The following HNF4G variants were observed in gnomAD, a reference collection of about 807,000 sequenced individuals.
HNF4G encodes hepatocyte nuclear factor 4-gamma.
HNF4G carries 21 observed loss-of-function variants against 50.9 expected under a neutral mutation model. The ratio of observed to expected loss-of-function variants is 0.41; its 90% CI spans 0.29 to 0.59. The LOEUF (loss-of-function observed/expected upper bound fraction) is 0.59. HNF4G is among the 20% of genes least tolerant of loss of function. HNF4G has a pLI of 0.26. For synonymous variants in HNF4G, 198 were observed against 185.6 expected (o/e 1.07, Z -0.54); for missense variants, 527 against 559.4 (o/e 0.94, Z 0.58).
At chr8:75,532,511 T>G (rs1253026535) in intron 2 of HNF4G, among the ~76,000 whole-genome samples, 2 of 152,096 alleles carry the variant, frequency 1.3e-5, no homozygotes, top group East Asian at 3.9e-4. Context: ...GTGCTTACTT[T>G]TTATACCACA....
intron 5 of HNF4G, among the ~76,000 whole-genome samples, chr8:75,555,633 G>A (rs1807093966): frequency 6.6e-6 from 1 of 151,730 alleles, no homozygotes; most frequent in Non-Finnish European, 1.5e-5. Flanking sequence ...CAAACGTACT[G>A]GTTAACTTAC....
At chr8:75,550,137 A>G (rs1369894864) in intron 3 of HNF4G, among the ~76,000 whole-genome samples, 1 of 151,904 alleles carries the variant, frequency 6.6e-6, no homozygotes, top group Admixed American at 6.6e-5. Context: ...ATACTTGCAG[A>G]AAAAAAATGA....
At chr8:75,480,595 A>G (rs1812352342) in intron 1 of HNF4G, among the ~76,000 whole-genome samples, 2 of 152,196 alleles carry the variant, frequency 1.3e-5, no homozygotes, top group African/African-American at 2.4e-5. Context: ...GCCAGAAAAT[A>G]TATCTGGGAT....
Position 75,481,728 on chromosome 8 carries a change from G to A in HNF4G, c.-143-8361G>A, listed in dbSNP as rs188886984. Among the ~76,000 whole-genome samples, 268 of 151,958 alleles carry A rather than the reference G, an allele frequency of 1.8e-3. 2 individuals carry two copies. The highest frequency in any genetic ancestry group is 5.6e-3 in the African/African-American group (232 of 41,438). ...CCACAGGGAAATTTAAGATCAACATGGCCAAATTCTATTTCAATAAAAATT... is the reference window on the plus strand; with the variant it reads ...CCACAGGGAAATTTAAGATCAACATAGCCAAATTCTATTTCAATAAAAATT... On this transcript the variant is annotated intron_variant, in intron 1 of 10. Transcript: ENST00000354370.
chr8:75,544,099 A>G, intron 2 of HNF4G, 120 bp downstream of exon 2: 1 of 811,510 alleles, frequency 1.2e-6, no homozygotes, highest in Non-Finnish European at 1.9e-6. Context: ...TACAATCTCT[A>G]AACTGCGGTA....
At chr8:75,517,119 T>A (rs913066958) in intron 2 of HNF4G, among the ~76,000 whole-genome samples, 4 of 152,132 alleles carry the variant, frequency 2.6e-5, no homozygotes, top group Admixed American at 2.0e-4. Context: ...ATCATGAGAC[T>A]TATTCACTAT....
intron 1 of HNF4G, among the ~76,000 whole-genome samples, chr8:75,439,624 A>G (rs1811226186): frequency 6.6e-6 from 1 of 152,110 alleles, no homozygotes; most frequent in African/African-American, 2.4e-5. Flanking sequence ...TAAGTCTGGC[A>G]GTCTCAATCA....
At chr8:75,517,007 A>C (rs955490861) in intron 2 of HNF4G, among the ~76,000 whole-genome samples, 6 of 152,304 alleles carry the variant, frequency 3.9e-5, no homozygotes, top group Admixed American at 6.5e-5. Flanking sequence ...AGACCTCACA[A>C]TCATGAGAGA....
chr8:75,442,736 A>G (rs1276244607), intron 1 of HNF4G, among the ~76,000 whole-genome samples: 1 of 152,164 alleles, frequency 6.6e-6, no homozygotes, highest in East Asian at 1.9e-4. Context: ...GGAGATGGGG[A>G]TCATTATTTT....
chr8:75,451,886 C>T (rs1811593868), intron 1 of HNF4G, among the ~76,000 whole-genome samples: 1 of 152,304 alleles, frequency 6.6e-6, no homozygotes, highest in South Asian at 2.1e-4. Context: ...AGGTTGGAGC[C>T]TAATCACAGG....
At chr8:75,420,015 TA>T (rs940470525) in intron 1 of HNF4G, among the ~76,000 whole-genome samples, 1 of 152,164 alleles carries the variant, frequency 6.6e-6, no homozygotes, top group Non-Finnish European at 1.5e-5. Context: ...CCAACTGAAA[TA>T]TTTTTTCGCT....
intron 1 of HNF4G, among the ~76,000 whole-genome samples, chr8:75,435,659 T>A (rs1352883539): frequency 6.6e-6 from 1 of 152,202 alleles, no homozygotes; most frequent in Non-Finnish European, 1.5e-5. Context: ...AGTGGCATGA[T>A]CTGGGCTCAC....
upstream of HNF4G, among the ~76,000 whole-genome samples, chr8:75,539,517 G>A (rs183251518): frequency 1.4e-4 from 22 of 152,216 alleles, no homozygotes; most frequent in African/African-American, 4.8e-4. Flanking sequence ...CAAATTTATA[G>A]CAGTAAAGTA....
chr8:75,434,063 G>A (rs1229185813), intron 1 of HNF4G, among the ~76,000 whole-genome samples: 4 of 148,836 alleles, frequency 2.7e-5, no homozygotes, highest in African/African-American at 7.5e-5. Context: ...GAGTGCAGTG[G>A]TGTGATCTCG....
chr8:75,537,342 C>G (rs1401051814), upstream of HNF4G, among the ~76,000 whole-genome samples: 6 of 152,090 alleles, frequency 3.9e-5, no homozygotes, highest in Non-Finnish European at 2.9e-5. Context: ...CTTCCAGGTT[C>G]AAATGATTCT....
At chr8:75,474,311 C>T (rs1046453874) in intron 1 of HNF4G, among the ~76,000 whole-genome samples, 1 of 152,166 alleles carries the variant, frequency 6.6e-6, no homozygotes, top group Non-Finnish European at 1.5e-5. Flanking sequence ...ACAAGAGACA[C>T]TTTTAAGTGT....
At chr8:75,491,551 T>C (rs952993542) in intron 2 of HNF4G, among the ~76,000 whole-genome samples, 2 of 152,020 alleles carry the variant, frequency 1.3e-5, no homozygotes, top group Non-Finnish European at 2.9e-5. Context: ...CTCCGCTCAC[T>C]GCAACCTCTG....
At chr8:75,538,773 G>A (rs547885070), upstream of HNF4G, among the ~76,000 whole-genome samples, 21 of 152,272 alleles carry the variant, frequency 1.4e-4, no homozygotes, top group African/African-American at 4.8e-4. Context: ...GAATCTGGCT[G>A]CTAAATTGAC....
chr8:75,551,976 T>C (rs1034192736), intron 4 of HNF4G, among the ~76,000 whole-genome samples: 3 of 152,190 alleles, frequency 2.0e-5, no homozygotes, highest in African/African-American at 7.2e-5. Context: ...GAGAAAACTT[T>C]ATTATTTTAA....
Sources: allele counts gnomAD v4.1 joint callset (sites outside exome capture counted in the v4.1 genomes callset), GRCh38; gene constraint gnomAD v4.1.1; transcripts MANE v1.5; gene names NCBI Gene and HGNC (gene_info 2026-07-23, HGNC 2026-07-21).